Variants in TSPAN5 observed in about 807,000 individuals in gnomAD.
The protein encoded by TSPAN5 is tetraspanin 5.
TSPAN5 carries 10 observed loss-of-function variants against 37.1 expected under a neutral mutation model. That is an observed-to-expected ratio of 0.27 (90% CI 0.17 to 0.46). The LOEUF is 0.46. TSPAN5 is among the 20% of genes least tolerant of loss of function. The pLI is 1.00. For synonymous variants in TSPAN5, 110 were observed against 118.9 expected, an observed-to-expected ratio of 0.93 and a Z score of 0.48; for missense variants, 195 against 326.6, an observed-to-expected ratio of 0.60 and a Z score of 3.11.
chr4:98,566,170 C>A (rs1755000255), intron 1 of TSPAN5, among the ~76,000 whole-genome samples: 4 of 152,192 alleles, frequency 2.6e-5, no homozygotes, highest in African/African-American at 9.6e-5. Context: ...TCCTTATAAT[C>A]CGTGCTTATA....
At chr4:98,534,902 CT>C (rs1228770400) in intron 1 of TSPAN5, among the ~76,000 whole-genome samples, 1 of 152,066 alleles carries the variant, frequency 6.6e-6, no homozygotes, top group Non-Finnish European at 1.5e-5. Context: ...TCCTCCATCC[CT>C]TTATTTTGAG....
rs1256673948 is a variant in TSPAN5 at position 98,592,425 on chromosome 4, TTTG to T, written c.81+65718_81+65720del. ...TTACCTAACTAAGGGATCTCTGTTTTTTGTTTTTTTTTTTTTTTTTTTTATTAT... is the reference window on the plus strand; with the variant it reads ...TTACCTAACTAAGGGATCTCTGTTTTTTTTTTTTTTTTTTTTTTTTATTAT... On this transcript the variant is annotated intron_variant, in intron 1 of 7. Transcript: ENST00000305798. Among the ~76,000 whole-genome samples, 127 of 102,860 alleles carry T rather than the reference TTTG, an allele frequency of 1.2e-3. 2 individuals carry two copies. In the East Asian group the frequency reaches 0.019, roughly 15 times the overall value. The allele number at this position is 102,860 out of a possible 152,430, so 67.5% of individuals were successfully genotyped here. A position where few individuals can be genotyped will look rare whatever the true frequency, so the allele number is the denominator to read the frequency against.
At chr4:98,523,040 A>G (rs1349084825) in intron 1 of TSPAN5, among the ~76,000 whole-genome samples, 1 of 152,208 alleles carries the variant, frequency 6.6e-6, no homozygotes, top group Non-Finnish European at 1.5e-5. Context: ...GGTTTTGACA[A>G]ATCATTCTTT....
intron 1 of TSPAN5, among the ~76,000 whole-genome samples, chr4:98,638,646 G>C (rs1177860227): frequency 6.6e-6 from 1 of 152,206 alleles, no homozygotes; most frequent in Non-Finnish European, 1.5e-5. Flanking sequence ...GCCCTTTCTA[G>C]AGCACCACCC....
chr4:98,528,882 T>A lies in TSPAN5; in HGVS notation c.82-21154A>T, dbSNP rs566952475. Among the ~76,000 whole-genome samples, 77 of 152,302 alleles carry A rather than the reference T, an allele frequency of 5.1e-4. 1 individual carries two copies. The highest frequency in any genetic ancestry group is 1.4e-3 in the Admixed American group (21 of 15,294). On this transcript the variant is annotated intron_variant, in intron 1 of 7. Coordinates refer to ENST00000305798, the MANE Select transcript of TSPAN5 (RefSeq NM_005723.4). ...AGGGTACTGACTGCTCCCATTTTAG[T>A]ATGACCATACTGCAAACAGCTTTTC...
rs1401917919 is a variant in TSPAN5, at chr4:98,522,153, G to A, written c.82-14425C>T. 3.3e-5 allele frequency among the ~76,000 whole-genome samples: 5 copies of A among 152,168 alleles called. No individual in the cohort carries two copies. In the East Asian group the frequency reaches 9.6e-4, roughly 29 times the overall value. On this transcript the variant is annotated intron_variant, in intron 1 of 7. Transcript: ENST00000305798. ...TGAATGGTGTTTCCTACACTTACAC[G>A]CTCCCGTGGCCTATGTGCCCAACCC... is the stretch of plus-strand genomic sequence containing the variant.
intron 1 of TSPAN5, among the ~76,000 whole-genome samples, chr4:98,568,375 T>C (rs1755053322): frequency 6.6e-6 from 1 of 152,148 alleles, no homozygotes; most frequent in Non-Finnish European, 1.5e-5. Context: ...ACCCTATCTC[T>C]ACTAAAAGTA....
At chr4:98,637,691 T>A (rs1700749487) in intron 1 of TSPAN5, among the ~76,000 whole-genome samples, 1 of 152,132 alleles carries the variant, frequency 6.6e-6, no homozygotes, top group Non-Finnish European at 1.5e-5. Context: ...TACAGCTCTA[T>A]CACAAAGAAA....
chr4:98,507,340 T>A (rs1560516413), intron 2 of TSPAN5, among the ~76,000 whole-genome samples: 1 of 152,110 alleles, frequency 6.6e-6, no homozygotes, highest in East Asian at 1.9e-4. Context: ...CTACAGGTGG[T>A]TTAGTGATAT....
intron 1 of TSPAN5, among the ~76,000 whole-genome samples, chr4:98,554,513 C>T (rs1205418505): frequency 6.6e-6 from 1 of 152,144 alleles, no homozygotes; most frequent in East Asian, 1.9e-4. Flanking sequence ...TCCATAAATG[C>T]CATTGTACAC....
intron 1 of TSPAN5, among the ~76,000 whole-genome samples, chr4:98,593,102 G>C (rs1755691947): frequency 1.9e-5 from 1 of 51,962 alleles, no homozygotes; most frequent in Non-Finnish European, 3.8e-5. Flanking sequence ...AGCACCTGTT[G>C]TTTCCTGACT....
At chr4:98,496,107 A>G (rs1753206521) in intron 2 of TSPAN5, among the ~76,000 whole-genome samples, 1 of 152,212 alleles carries the variant, frequency 6.6e-6, no homozygotes, top group Admixed American at 6.5e-5. Flanking sequence ...GAGAAAGGGT[A>G]ACGAGGAATG....
At chr4:98,548,997 A>C (rs1754538489) in intron 1 of TSPAN5, among the ~76,000 whole-genome samples, 1 of 152,126 alleles carries the variant, frequency 6.6e-6, no homozygotes, top group Non-Finnish European at 1.5e-5. Flanking sequence ...TATTGTGAAC[A>C]GCAGTGTGGT....
At chr4:98,615,743 T>TAC (rs140569543) in intron 1 of TSPAN5, among the ~76,000 whole-genome samples, 2,015 of 152,224 alleles carry the variant, frequency 0.013, 33 homozygotes, top group African/African-American at 0.047. Context: ...ACTTTTTGTA[T>TAC]ACACACACAC....
chr4:98,576,500 G>C (rs1755239570), intron 1 of TSPAN5, among the ~76,000 whole-genome samples: 1 of 152,154 alleles, frequency 6.6e-6, no homozygotes, highest in African/African-American at 2.4e-5. Context: ...CATACTTTGG[G>C]AGGTCGAGAT....
intron 1 of TSPAN5, among the ~76,000 whole-genome samples, chr4:98,591,947 C>T (rs896237802): frequency 1.3e-5 from 2 of 151,228 alleles, no homozygotes; most frequent in East Asian, 3.9e-4. Flanking sequence ...GACTTATACT[C>T]CCTTATTTAA....
chr4:98,642,430 T>C (rs989692713), intron 1 of TSPAN5, among the ~76,000 whole-genome samples: 2 of 152,116 alleles, frequency 1.3e-5, no homozygotes, highest in African/African-American at 4.8e-5. Flanking sequence ...AACCACAAAA[T>C]TTTTTTTCTG....
rs1754204950 is a variant in TSPAN5 at position 98,535,268 on chromosome 4, T to A, written c.82-27540A>T. On this transcript the variant is annotated intron_variant, in intron 1 of 7. Coordinates refer to ENST00000305798, the MANE Select transcript of TSPAN5 (RefSeq NM_005723.4). ...TCAGCATTTGCTTGTCTGTAAAGGA[T>A]TTTATTTCTCCTTCGCTTATGAAGC... 2.6e-5 allele frequency among the ~76,000 whole-genome samples: 4 copies of A among 152,286 alleles called. 1 individual carries two copies. In the South Asian group the frequency reaches 6.2e-4, roughly 24 times the overall value.
chr4:98,641,646 C>A (rs540071891), intron 1 of TSPAN5, among the ~76,000 whole-genome samples: 2 of 152,172 alleles, frequency 1.3e-5, no homozygotes. Context: ...GACAATTCAG[C>A]GTGCACACAT....
Sources: allele counts gnomAD v4.1 joint callset (sites outside exome capture counted in the v4.1 genomes callset), GRCh38; gene constraint gnomAD v4.1.1; transcripts MANE v1.5; gene names NCBI Gene and HGNC (gene_info 2026-07-23, HGNC 2026-07-21).